SHTN1: variants seen among roughly 807,000 people sequenced by gnomAD.
SHTN1 encodes the protein shootin-1.
Under a neutral mutation model 83.1 loss-of-function variants are expected in SHTN1, and 42 were observed. The ratio of observed to expected loss-of-function variants is 0.51; its 90% CI spans 0.39 to 0.65. The LOEUF (loss-of-function observed/expected upper bound fraction) is 0.65. SHTN1 is among the 30% of genes least tolerant of loss of function. The pLI is 0.00. For synonymous variants in SHTN1, 224 were observed against 247.7 expected (o/e 0.90, Z 0.90); for missense variants, 622 against 737.8 (o/e 0.84, Z 1.82).
At position 116,927,794 on chromosome 10, in the gene SHTN1, G is replaced by A. The variant is rs1183907248; in HGVS notation, c.1110C>T (p.Ile370=). 2 of 1,570,290 alleles carry A rather than the reference G, an allele frequency of 1.3e-6. No homozygotes were observed. Among genetic ancestry groups the A allele is most frequent in the Non-Finnish European group, 1.7e-6 (2 of 1,160,240 alleles). Reference sequence around the variant, plus strand: ...GCAGTCTTCCTGGATGTGCTTACCGGATAGGATTGGGAGGTGGAGGGGGAA... The same window carrying A: ...GCAGTCTTCCTGGATGTGCTTACCGAATAGGATTGGGAGGTGGAGGGGGAA... ...PPLPPPPPNP[I]RSLMSMIRKR... The change falls in exon 11 of 17, where the codon ATC becomes ATT. Residue 370 remains isoleucine (I), a splice_region_variant and synonymous_variant. Transcript: ENST00000355371.
intron 1 of SHTN1, among the ~76,000 whole-genome samples, chr10:117,086,947 G>A (rs887684102): frequency 9.2e-5 from 14 of 152,232 alleles, no homozygotes; most frequent in African/African-American, 2.6e-4. Context: ...TCTTATACAC[G>A]CTGCAACATG....
At chr10:116,929,402 T>G (rs1293112060) in intron 10 of SHTN1, among the ~76,000 whole-genome samples, 2 of 152,210 alleles carry the variant, frequency 1.3e-5, no homozygotes, top group African/African-American at 2.4e-5. Flanking sequence ...GAAAGTATTA[T>G]TTCATGTGTA....
chr10:117,090,813 GGAAGGA>G (rs1853420852), intron 1 of SHTN1, among the ~76,000 whole-genome samples: 1 of 132,762 alleles, frequency 7.5e-6, no homozygotes, highest in African/African-American at 2.8e-5. Flanking sequence ...AAGGAAGGAA[GGAAGGA>G]AAGGAGGGAG....
intron 1 of SHTN1, among the ~76,000 whole-genome samples, chr10:117,091,782 G>A (rs919564379): frequency 9.9e-5 from 15 of 152,180 alleles, no homozygotes; most frequent in Non-Finnish European, 2.1e-4. Flanking sequence ...CATCAAGACC[G>A]AAGGCAAGTA....
At chr10:117,012,442 C>T (rs1852120676) in intron 2 of SHTN1, among the ~76,000 whole-genome samples, 1 of 151,830 alleles carries the variant, frequency 6.6e-6, no homozygotes, top group South Asian at 2.1e-4. Flanking sequence ...AAAGTTGATC[C>T]ACACAAATAT....
At chr10:116,911,656 A>G (rs1231510599) in intron 14 of SHTN1, 134 bp downstream of exon 14, 5 of 1,569,122 alleles carry the variant, frequency 3.2e-6, no homozygotes, top group Non-Finnish European at 4.3e-6. Flanking sequence ...GCACGATCAA[A>G]TAAACTGGCC....
At chr10:116,960,089 G>C (rs778968877) in intron 4 of SHTN1, 47 bp downstream of exon 4, 3 of 1,164,040 alleles carry the variant, frequency 2.6e-6, no homozygotes, top group Non-Finnish European at 3.9e-6. Flanking sequence ...AGAAAAGCAA[G>C]TTGAAATTTA....
At chr10:116,892,162 G>A (rs1028736142) in intron 16 of SHTN1, among the ~76,000 whole-genome samples, 5 of 152,094 alleles carry the variant, frequency 3.3e-5, no homozygotes, top group Non-Finnish European at 5.9e-5. Context: ...CCCAGTACAC[G>A]GCTTACCTCC....
chr10:117,096,975 GAAGT>G (rs1260472417), intron 1 of SHTN1, among the ~76,000 whole-genome samples: 2 of 152,084 alleles, frequency 1.3e-5, no homozygotes, highest in African/African-American at 2.4e-5. Flanking sequence ...TAATAACAGT[GAAGT>G]AAGTCCTACA....
At chr10:116,893,162 G>C (rs1847392147) in intron 16 of SHTN1, among the ~76,000 whole-genome samples, 1 of 152,124 alleles carries the variant, frequency 6.6e-6, no homozygotes, top group South Asian at 2.1e-4. Context: ...CAGCAACTCA[G>C]AACACTTGTA....
chr10:116,979,393 T>C, intron 1 of SHTN1, 85 bp from the exon 2 acceptor site: 1 of 1,039,246 alleles, frequency 9.6e-7, no homozygotes, highest in Admixed American at 1.7e-5. Flanking sequence ...ACCCCCATAG[T>C]CTTCTTACTA....
chr10:117,070,985 T>C (rs1352262042), intron 1 of SHTN1, among the ~76,000 whole-genome samples: 1 of 151,902 alleles, frequency 6.6e-6, no homozygotes, highest in Non-Finnish European at 1.5e-5. Flanking sequence ...GAGATTTTTT[T>C]TTCTCAGAAA....
chr10:117,094,505 T>C (rs1853479542), intron 1 of SHTN1, among the ~76,000 whole-genome samples: 1 of 152,196 alleles, frequency 6.6e-6, no homozygotes, highest in Non-Finnish European at 1.5e-5. Flanking sequence ...TGGTACTTCT[T>C]GGTTATTACC....
chr10:117,081,052 C>T (rs1249098439), intron 1 of SHTN1, among the ~76,000 whole-genome samples: 1 of 151,964 alleles, frequency 6.6e-6, no homozygotes, highest in Non-Finnish European at 1.5e-5. Context: ...ATTGCCCTGG[C>T]CAGAACTTCC....
Position 116,951,944 on chromosome 10 carries a change from T to A in SHTN1, c.499A>T (p.Asn167Tyr), listed in dbSNP as rs752018764. ...ACTTCTACGAGTTTGCTCTTGAGAT[T>A]TTCCAGCTCAATGGCTAAAATCTTC... is the stretch of plus-strand genomic sequence containing the variant. ...EKKILAIELENLKSKLVEVIE... is the reference protein window; with the variant it reads ...EKKILAIELEYLKSKLVEVIE... Residue 167 changes from asparagine (N) to tyrosine (Y), a missense_variant, in exon 6 of 17, where the codon AAT becomes TAT. Asn to Tyr is a moderately radical substitution (Grantham distance 143). Coordinates refer to ENST00000355371, the MANE Select transcript of SHTN1 (RefSeq NM_001127211.3). The A allele has an allele frequency of 1.3e-6, 2 of 1,598,718 alleles. No homozygotes were observed. Among genetic ancestry groups the A allele is most frequent in the Non-Finnish European group, 8.5e-7 (1 of 1,170,750 alleles).
At chr10:116,924,007 C>T (rs971277999) in intron 11 of SHTN1, among the ~76,000 whole-genome samples, 1 of 152,208 alleles carries the variant, frequency 6.6e-6, no homozygotes, top group Non-Finnish European at 1.5e-5. Context: ...AAAACACATC[C>T]TGCTCTATCT....
intron 16 of SHTN1, among the ~76,000 whole-genome samples, chr10:116,897,675 C>T (rs1295251619): frequency 6.6e-6 from 1 of 152,130 alleles, no homozygotes; most frequent in Non-Finnish European, 1.5e-5. Flanking sequence ...CATGACAGTC[C>T]TACAGGGCAG....
chr10:116,939,045 T>A (rs1277703163), intron 9 of SHTN1, among the ~76,000 whole-genome samples: 1 of 152,190 alleles, frequency 6.6e-6, no homozygotes, highest in Non-Finnish European at 1.5e-5. Flanking sequence ...CAGGTTGACC[T>A]CAGACTGCTG....
intron 1 of SHTN1, among the ~76,000 whole-genome samples, chr10:117,072,398 G>A (rs1253329905): frequency 1.3e-5 from 2 of 152,130 alleles, no homozygotes; most frequent in African/African-American, 2.4e-5. Context: ...CCAGAATGAC[G>A]GCAGGAATAA....
Sources: allele counts gnomAD v4.1 joint callset (sites outside exome capture counted in the v4.1 genomes callset), GRCh38; gene constraint gnomAD v4.1.1; transcripts MANE v1.5; gene names NCBI Gene and HGNC (gene_info 2026-07-23, HGNC 2026-07-21).